The following FGF2 variants were observed in gnomAD, a reference collection of about 807,000 sequenced individuals.
FGF2 encodes basic fibroblast growth factor bFGF.
FGF2 carries 13 observed loss-of-function variants against 15.9 expected under a neutral mutation model. That is an observed-to-expected ratio of 0.82 (90% CI 0.53 to 1.30). The LOEUF (loss-of-function observed/expected upper bound fraction) is 1.30, where lower values mean the gene tolerates loss of function less well. Among genes scored for constraint, FGF2 ranks in the 50% most tolerant of loss-of-function variants. The pLI, the probability that FGF2 is intolerant of heterozygous loss-of-function variation, is 0.00. For missense variants in FGF2, 163 were observed against 196.9 expected (o/e 0.83, Z 1.03); for synonymous variants, 90 against 78.4 (o/e 1.15, Z -0.78).
chr4:122,827,745 A>T lies in FGF2; in HGVS notation c.178+393A>T, dbSNP rs1444563701. 6.6e-6 allele frequency among the ~76,000 whole-genome samples: 1 copy of T among 152,178 alleles called. No individual in the cohort carries two copies. Among genetic ancestry groups the T allele is most frequent in the Non-Finnish European group, 1.5e-5 (1 of 68,036 alleles). ...TGTCCCGGGGACAAAGACAGGAAGG[A>T]CCGCAGCAGAACGAAACGGTCTTTA... On this transcript the variant is annotated intron_variant, in intron 1 of 2. Transcript: ENST00000644866. The surrounding 1 kb of genome is among the most constrained non-coding windows in gnomAD (Gnocchi z 4.2).
intron 1 of FGF2, among the ~76,000 whole-genome samples, chr4:122,848,618 G>C (rs530659422): frequency 6.6e-6 from 1 of 152,102 alleles, no homozygotes; most frequent in South Asian, 2.1e-4. Flanking sequence ...CTGTTTCTGA[G>C]GATATGGGCC....
chr4:122,882,524 G>A (rs188514712), intron 2 of FGF2: 2 of 152,332 alleles, frequency 1.3e-5, no homozygotes, highest in Admixed American at 1.3e-4. Context: ...AGGAACTTGT[G>A]AAAGTTAGTC....
At chr4:122,861,237 T>C (rs1305618461) in intron 1 of FGF2, among the ~76,000 whole-genome samples, 1 of 152,222 alleles carries the variant, frequency 6.6e-6, no homozygotes, top group Non-Finnish European at 1.5e-5. Context: ...CTGTTAGCTC[T>C]GATTATTACC....
rs1175092224 is a variant in FGF2, at chr4:122,892,425, A to C, written c.*29A>C. 7.4e-6 allele frequency: 12 copies of C among 1,611,568 alleles called. No homozygotes were observed. Among genetic ancestry groups the C allele is most frequent in the Non-Finnish European group, 1.0e-5 (12 of 1,177,812 alleles). The stretch of plus-strand genomic sequence containing the variant: ...TAATGGCCACATCTAATCTCATTTC[A>C]CATGAAAGAAGAAGTATATTTTAGA... On this transcript the variant is annotated 3_prime_UTR_variant, in exon 3 of 3. Transcript: ENST00000644866.
Position 122,859,658 on chromosome 4 carries a change from A to ACACACACACACACG in FGF2, c.179-16650_179-16649insGCACACACACACAC, listed in dbSNP as rs1553948459. 3.6e-3 allele frequency among the ~76,000 whole-genome samples: 490 copies of ACACACACACACACG among 137,708 alleles called. 4 individuals carry two copies. The highest frequency in any genetic ancestry group is 0.014 in the African/African-American group (448 of 32,482). The allele number at this position is 137,708 out of a possible 152,430, so 90.3% of individuals were successfully genotyped here. A position where few individuals can be genotyped will look rare whatever the true frequency, so the allele number is the denominator to read the frequency against. ...TGGGTGTGTACATATGTATATACACACACACACACACACACACAAAAGATC... is the reference window on the plus strand; with the variant it reads ...TGGGTGTGTACATATGTATATACACACACACACACACACGCACACACACACACACACAAAAGATC... On this transcript the variant is annotated intron_variant, in intron 1 of 2. Transcript: ENST00000644866.
intron 1 of FGF2, among the ~76,000 whole-genome samples, chr4:122,849,192 G>A (rs1726176663): frequency 6.6e-6 from 1 of 152,132 alleles, no homozygotes; most frequent in Non-Finnish European, 1.5e-5. Context: ...AAAGACAAAT[G>A]TTCCCAACCA....
chr4:122,856,181 C>A (rs1466468777), intron 1 of FGF2, among the ~76,000 whole-genome samples: 1 of 152,118 alleles, frequency 6.6e-6, no homozygotes, highest in Non-Finnish European at 1.5e-5. Context: ...ATTGAAACCT[C>A]TCATCAGATT....
intron 1 of FGF2, among the ~76,000 whole-genome samples, chr4:122,874,784 A>C (rs1726806345): frequency 6.6e-6 from 1 of 152,164 alleles, no homozygotes; most frequent in African/African-American, 2.4e-5. Flanking sequence ...TAATTATTTA[A>C]GAAACTTTCA....
At chr4:122,846,555 A>G (rs1726116287) in intron 1 of FGF2, among the ~76,000 whole-genome samples, 1 of 152,224 alleles carries the variant, frequency 6.6e-6, no homozygotes, top group African/African-American at 2.4e-5. Flanking sequence ...GAAAATGCAC[A>G]CACACCAACA....
chr4:122,835,249 T>C (rs1236451369), intron 1 of FGF2, among the ~76,000 whole-genome samples: 1 of 152,222 alleles, frequency 6.6e-6, no homozygotes, highest in Non-Finnish European at 1.5e-5. Context: ...ACTGCAATGC[T>C]GTGGTCTTTC....
Position 122,896,642 on chromosome 4 carries a change from A to G in FGF2, c.*4246A>G, listed in dbSNP as rs1168409858. ...AAAGGTCAATAAGTACCTGAAACCA[A>G]GATTGGCTAGAGATATATCTTAATG... On this transcript the variant is annotated 3_prime_UTR_variant, in exon 3 of 3. Coordinates refer to ENST00000644866, the MANE Select transcript of FGF2 (RefSeq NM_001361665.2). The G allele has an allele frequency of 1.3e-5, 2 of 152,152 alleles. No homozygotes were observed. Among genetic ancestry groups the G allele is most frequent in the Non-Finnish European group, 2.9e-5 (2 of 68,028 alleles). The allele number at this position is 152,152 out of a possible 1,614,324, so 9.4% of individuals were successfully genotyped here.
intron 1 of FGF2, among the ~76,000 whole-genome samples, chr4:122,843,478 T>G (rs1057271849): frequency 6.6e-6 from 1 of 152,142 alleles, no homozygotes; most frequent in African/African-American, 2.4e-5. Flanking sequence ...AGGATTAAAT[T>G]TGGGCTTTGA....
chr4:122,863,434 G>A (rs1726512648), intron 1 of FGF2, among the ~76,000 whole-genome samples: 1 of 152,098 alleles, frequency 6.6e-6, no homozygotes, highest in Non-Finnish European at 1.5e-5. Context: ...TGCTCTAGGT[G>A]TGTAGGACTT....
intron 2 of FGF2, among the ~76,000 whole-genome samples, chr4:122,891,036 G>T (rs2125446): frequency 0.62 from 68,505 of 110,260 alleles, 21,134 homozygotes; most frequent in East Asian, 0.88. Context: ...TTTTTTTTTT[G>T]TTTTGTTTTG....
intron 2 of FGF2, among the ~76,000 whole-genome samples, chr4:122,881,598 C>T (rs1222838200): frequency 6.6e-6 from 1 of 152,220 alleles, no homozygotes; most frequent in African/African-American, 2.4e-5. Flanking sequence ...TTCCTCATCT[C>T]CATTTGAGAC....
In FGF2 at chr4:122,827,302, T is replaced by G; in HGVS notation, c.128T>G (p.Ile43Ser). 6.2e-7 allele frequency: 1 copy of G among 1,612,826 alleles called. No homozygotes were observed. Among genetic ancestry groups the G allele is most frequent in the Non-Finnish European group, 8.5e-7 (1 of 1,179,850 alleles). Residue 43 changes from isoleucine (I) to serine (S), a missense_variant, in exon 1 of 3, where the codon ATC becomes AGC. Physicochemically the swap from Ile to Ser is moderately radical, Grantham distance 142. Transcript: ENST00000644866. The surrounding 1 kb of genome is among the most constrained non-coding windows in gnomAD (Gnocchi z 4.2). ...YCKNGGFFLRIHPDGRVDGVR... is the reference protein window; with the variant it reads ...YCKNGGFFLRSHPDGRVDGVR... ...AAAAACGGGGGCTTCTTCCTGCGCA[T>G]CCACCCCGACGGCCGAGTTGACGGG...
At chr4:122,879,983 C>G (rs1345589096) in intron 2 of FGF2, among the ~76,000 whole-genome samples, 1 of 152,198 alleles carries the variant, frequency 6.6e-6, no homozygotes, top group African/African-American at 2.4e-5. Flanking sequence ...ATTTCAAAAC[C>G]AATCATGCCT....
intron 1 of FGF2, among the ~76,000 whole-genome samples, chr4:122,838,940 T>C (rs917949663): frequency 3.9e-5 from 6 of 152,232 alleles, no homozygotes; most frequent in Admixed American, 1.3e-4. Context: ...AGGATTATAA[T>C]ACTGTATTTT....
At chr4:122,861,510 T>C (rs1261998005) in intron 1 of FGF2, among the ~76,000 whole-genome samples, 1 of 152,268 alleles carries the variant, frequency 6.6e-6, no homozygotes, top group Middle Eastern at 3.4e-3. Context: ...TTTTGCCCTC[T>C]TTTTACCTCC....
Sources: allele counts gnomAD v4.1 joint callset (sites outside exome capture counted in the v4.1 genomes callset), GRCh38; gene constraint gnomAD v4.1.1; non-coding constraint Gnocchi (gnomAD v3.1); transcripts MANE v1.5; gene names NCBI Gene and HGNC (gene_info 2026-07-23, HGNC 2026-07-21).